The following MALT1 variants were observed in gnomAD, a reference collection of about 807,000 sequenced individuals.
MALT1 encodes mucosa-associated lymphoid tissue lymphoma translocation protein 1.
A neutral mutation model predicts 85.5 loss-of-function variants in MALT1; 36 were observed. The ratio of observed to expected loss-of-function variants is 0.42; its 90% CI spans 0.32 to 0.56. MALT1 has a LOEUF of 0.56. Ranked by LOEUF, MALT1 falls within the 20% of genes least tolerant of loss-of-function variation. The probability of loss-of-function intolerance (pLI) is 0.10; values close to 1 mark genes in which losing one functional copy is unlikely to be tolerated. For missense variants in MALT1, 716 were observed against 981.6 expected, an observed-to-expected ratio of 0.73 and a Z score of 3.62; for synonymous variants, 359 against 361.3, an observed-to-expected ratio of 0.99 and a Z score of 0.07.
intron 11 of MALT1, 81 bp downstream of exon 11, chr18:58,733,655 A>C (rs2055185186): frequency 1.8e-6 from 2 of 1,142,670 alleles, no homozygotes; most frequent in South Asian, 1.7e-5. Flanking sequence ...TGAAATGCTA[A>C]AAGCCATTTG....
In MALT1 at chr18:58,723,219, AGTTTTT is replaced by A; in HGVS notation, c.1191_1196del (p.Phe398_Leu399del). 6.2e-7 allele frequency: 1 copy of A among 1,613,792 alleles called. No homozygotes were observed. Among genetic ancestry groups the A allele is most frequent in the Non-Finnish European group, 8.5e-7 (1 of 1,179,768 alleles). The stretch of plus-strand genomic sequence containing the variant: ...TATGAGATGCGTAATGCTGTGGATG[AGTTTTT>A]ACTCCTTTTAGACAAGGGAGTATAT... On this transcript the variant is annotated inframe_deletion, in exon 10 of 17. Coordinates refer to ENST00000649217, the MANE Select transcript of MALT1 (RefSeq NM_006785.4).
At chr18:58,707,107 G>A (rs1408610119) in intron 4 of MALT1, among the ~76,000 whole-genome samples, 3 of 151,314 alleles carry the variant, frequency 2.0e-5, no homozygotes, top group Non-Finnish European at 2.9e-5. Flanking sequence ...ATTTTTTGGT[G>A]TGACCAGTTT....
intron 4 of MALT1, among the ~76,000 whole-genome samples, chr18:58,707,361 CTTTTTT>C (rs199919132): frequency 2.9e-5 from 4 of 136,962 alleles, no homozygotes. Flanking sequence ...TTTTCTTTTT[CTTTTTT>C]TTTTTTTAAC....
intron 9 of MALT1, among the ~76,000 whole-genome samples, chr18:58,722,557 CTCTT>C (rs1307893014): frequency 6.6e-6 from 1 of 151,320 alleles, no homozygotes; most frequent in East Asian, 1.9e-4. Context: ...AGTTCTCTCT[CTCTT>C]TGATATTTCC....
At chr18:58,678,422 A>G (rs1307209842) in intron 1 of MALT1, among the ~76,000 whole-genome samples, 1 of 152,188 alleles carries the variant, frequency 6.6e-6, no homozygotes, top group African/African-American at 2.4e-5. Flanking sequence ...TATGGACAAG[A>G]CAGAATTTTA....
chr18:58,706,476 G>T (rs984611885), intron 4 of MALT1, among the ~76,000 whole-genome samples: 1 of 152,162 alleles, frequency 6.6e-6, no homozygotes, highest in African/African-American at 2.4e-5. Context: ...AATTTTTAAA[G>T]ATTTTGTTTA....
chr18:58,746,174 C>T (rs1165822021), intron 16 of MALT1, among the ~76,000 whole-genome samples: 3 of 152,114 alleles, frequency 2.0e-5, no homozygotes, highest in East Asian at 1.9e-4. Flanking sequence ...CATGCCACTA[C>T]ACCCAGCTAA....
intron 3 of MALT1, among the ~76,000 whole-genome samples, chr18:58,698,352 G>A (rs10164262): frequency 0.75 from 113,515 of 152,090 alleles, 42,483 homozygotes; most frequent in East Asian, 0.82. Flanking sequence ...GGCGTGAGCT[G>A]TCGCACCCGA....
intron 13 of MALT1, among the ~76,000 whole-genome samples, chr18:58,736,157 T>C (rs1461539306): frequency 1.3e-5 from 2 of 152,096 alleles, no homozygotes; most frequent in Non-Finnish European, 1.5e-5. Context: ...GAAGAAATTA[T>C]TTTACAAACT....
rs1228351822 is a variant in MALT1 at position 58,742,640 on chromosome 18, G to A, written c.1753+626G>A. On this transcript the variant is annotated intron_variant, in intron 14 of 16. Coordinates refer to ENST00000649217, the MANE Select transcript of MALT1 (RefSeq NM_006785.4). ...AGAGAATCTCTTGAACCTGAGAGGT[G>A]GAGGTTGCAGTGCAGTGAGCAGAGA... Among the ~76,000 whole-genome samples, 3 of 152,200 alleles carry A rather than the reference G, an allele frequency of 2.0e-5. No homozygotes were observed. The East Asian group carries it at 5.8e-4, about 29-fold the overall frequency.
intron 10 of MALT1, among the ~76,000 whole-genome samples, chr18:58,730,600 C>A (rs1233074124): frequency 4.6e-5 from 7 of 152,190 alleles, no homozygotes; most frequent in Admixed American, 3.9e-4. Context: ...CATTTGTGTA[C>A]ACATTCTTGT....
intron 2 of MALT1, chr18:58,690,994 T>C: frequency 3.5e-6 from 1 of 287,746 alleles, no homozygotes; most frequent in Non-Finnish European, 6.9e-6. Flanking sequence ...GGCATCCTTC[T>C]CTGGCCAGGC....
chr18:58,714,750 C>T (rs143466537), intron 8 of MALT1, among the ~76,000 whole-genome samples: 2 of 152,126 alleles, frequency 1.3e-5, no homozygotes. Flanking sequence ...CATGAAGACA[C>T]AGGATATCAA....
Position 58,748,380 on chromosome 18 carries a change from TTATATATATA to T in MALT1, c.*541_*550del. 1 of 178,962 alleles carries T rather than the reference TTATATATATA, an allele frequency of 5.6e-6. No homozygotes were observed. The highest frequency in any genetic ancestry group is 9.0e-5 in the East Asian group (1 of 11,122). 11.1% of individuals were successfully genotyped at this position (178,962 alleles called of 1,614,324 possible). On this transcript the variant is annotated 3_prime_UTR_variant, in exon 17 of 17. Transcript: ENST00000649217. ...TGTTTGTAGATAGAGTGAAATATAT[TTATATATATA>T]TAAATATATACAGATACATATCTGT... is the stretch of plus-strand genomic sequence containing the variant.
chr18:58,700,082 G>C (rs1170194637), intron 3 of MALT1, among the ~76,000 whole-genome samples: 1 of 152,172 alleles, frequency 6.6e-6, no homozygotes, highest in Admixed American at 6.5e-5. Context: ...ATGCCGCTGT[G>C]GTGTTTGTAT....
chr18:58,703,076 C>T (rs560166089), intron 4 of MALT1, among the ~76,000 whole-genome samples: 2 of 152,182 alleles, frequency 1.3e-5, no homozygotes, highest in African/African-American at 2.4e-5. Context: ...AATAAAATAT[C>T]GGTCAGGCGC....
chr18:58,688,301 C>CAG (rs1249604213), intron 2 of MALT1, among the ~76,000 whole-genome samples: 1 of 125,792 alleles, frequency 7.9e-6, no homozygotes, highest in African/African-American at 2.9e-5. Flanking sequence ...ATATATGTTA[C>CAG]ACACACACAC....
intron 4 of MALT1, among the ~76,000 whole-genome samples, chr18:58,702,647 T>C (rs556107730): frequency 1.3e-5 from 2 of 152,366 alleles, no homozygotes; most frequent in South Asian, 4.1e-4. Flanking sequence ...CTGCTCACTT[T>C]TCAATTCTTT....
intron 16 of MALT1, among the ~76,000 whole-genome samples, chr18:58,747,066 A>C (rs1034181349): frequency 6.6e-6 from 1 of 152,194 alleles, no homozygotes; most frequent in African/African-American, 2.4e-5. Context: ...CCCCATCTCT[A>C]ATAATAGGGA....
Sources: gnomAD v4.1 joint callset for allele counts (sites outside exome capture counted in the v4.1 genomes callset) on GRCh38, gnomAD v4.1.1 for gene constraint, MANE v1.5 for transcripts, NCBI Gene and HGNC (gene_info 2026-07-23, HGNC 2026-07-21) for gene names.